Variants in GFM1 observed in about 807,000 individuals in gnomAD.
GFM1 encodes the protein G elongation factor mitochondrial 1.
A neutral mutation model predicts 96.2 loss-of-function variants in GFM1; 62 were observed. That is an observed-to-expected ratio of 0.64 (90% confidence interval 0.53 to 0.80). The LOEUF (loss-of-function observed/expected upper bound fraction) is 0.80. GFM1 is among the 30% of genes least tolerant of loss of function. The pLI is 0.00. For synonymous variants in GFM1, 282 were observed against 312.9 expected, an observed-to-expected ratio of 0.90 and a Z score of 1.04; for missense variants, 852 against 916.6, an observed-to-expected ratio of 0.93 and a Z score of 0.91.
chr3:158,661,052 TC>T, intron 10 of GFM1, 77 bp downstream of exon 10: 1 of 1,170,628 alleles, frequency 8.5e-7, no homozygotes. Context: ...ATTTAATACT[TC>T]AGAAAAACAA....
chr3:158,675,285 CAAAAAAAAAAAAA>C lies in GFM1; in HGVS notation c.1602-6697_1602-6685del, dbSNP rs1172885215. On this transcript the variant is annotated intron_variant, in intron 13 of 17. Coordinates refer to ENST00000486715, the MANE Select transcript of GFM1 (RefSeq NM_024996.7). ...TGGGTGACAGAGTGAGACTCCATCTCAAAAAAAAAAAAAAAAAAAAAAAAACAAGTTTTCAAGA... is the reference window on the plus strand; with the variant it reads ...TGGGTGACAGAGTGAGACTCCATCTCAAAAAAAAAAAACAAGTTTTCAAGA... 9.5e-5 allele frequency among the ~76,000 whole-genome samples: 5 copies of C among 52,664 alleles called. No homozygotes were observed. The Admixed American group carries it at 1.6e-3, about 17-fold the overall frequency. 34.5% of individuals were successfully genotyped at this position (52,664 alleles called of 152,430 possible).
Position 158,646,223 on chromosome 3 carries a change from G to C in GFM1, c.293G>C (p.Arg98Thr). 1 of 1,613,838 alleles carries C rather than the reference G, an allele frequency of 6.2e-7. No individual in the cohort carries two copies. Among genetic ancestry groups the C allele is most frequent in the South Asian group, 1.1e-5 (1 of 91,076 alleles). ...GATTCCATGGAACTAGAGAGACAAA[G>C]AGGAATCACTATTCAGTCAGCAGCC... is the stretch of plus-strand genomic sequence containing the variant. ...VMDSMELERQ[R>T]GITIQSAATY... The change falls in exon 3 of 18, where the codon AGA (arginine) becomes ACA (threonine). Residue 98 changes from arginine (R) to threonine (T), a missense_variant. By Grantham distance (71) the Arg-to-Thr change is moderately conservative. Coordinates refer to ENST00000486715, the MANE Select transcript of GFM1 (RefSeq NM_024996.7).
intron 13 of GFM1, among the ~76,000 whole-genome samples, chr3:158,676,680 A>G (rs953434065): frequency 6.6e-5 from 10 of 151,022 alleles, no homozygotes; most frequent in Non-Finnish European, 1.3e-4. Context: ...GAACAAGTCT[A>G]TCAGCTCCAT....
At chr3:158,658,838 G>C (rs1722968977) in intron 8 of GFM1, 84 bp from the exon 9 acceptor site, 2 of 1,431,558 alleles carry the variant, frequency 1.4e-6, no homozygotes, top group African/African-American at 1.4e-5. Context: ...AGAATACTTG[G>C]AGGGAGTTAT....
intron 5 of GFM1, chr3:158,649,371 A>G: frequency 2.3e-6 from 1 of 426,822 alleles, no homozygotes; most frequent in Non-Finnish European, 4.3e-6. Context: ...TTTGGGTAAT[A>G]TACCCATATC....
At chr3:158,679,676 C>G (rs935340061) in intron 13 of GFM1, among the ~76,000 whole-genome samples, 1 of 152,094 alleles carries the variant, frequency 6.6e-6, no homozygotes, top group African/African-American at 2.4e-5. Context: ...GTGAGCCAGC[C>G]TCTTAGGTTG....
chr3:158,673,879 C>T (rs1724621052), intron 13 of GFM1, among the ~76,000 whole-genome samples: 1 of 151,982 alleles, frequency 6.6e-6, no homozygotes, highest in South Asian at 2.1e-4. Context: ...GTAGATTCTG[C>T]AGTAAATCTG....
rs145055828 is a variant in GFM1, at chr3:158,677,304, G to A, written c.1602-4691G>A. Among the ~76,000 whole-genome samples the A allele has an allele frequency of 5.6e-3, 858 of 152,288 alleles. 15 individuals carry two copies. Among genetic ancestry groups the A allele is most frequent in the African/African-American group, 0.02 (829 of 41,560 alleles). On this transcript the variant is annotated intron_variant, in intron 13 of 17. Transcript: ENST00000486715. ...AGGCTCTAACTCTGTTCAATTTTAT[G>A]AAGGCTGAGAGAGGTGAGAAAGTTG...
At position 158,644,570 on chromosome 3, in the gene GFM1, G is replaced by T. The variant is rs1212689126; in HGVS notation, c.-65G>T. 4 of 1,357,780 alleles carry T rather than the reference G, an allele frequency of 2.9e-6. No homozygotes were observed. The highest frequency in any genetic ancestry group is 4.0e-5 in the Admixed American group (2 of 50,366). The allele number at this position is 1,357,780 out of a possible 1,614,324, so 84.1% of individuals were successfully genotyped here. A position where few individuals can be genotyped will look rare whatever the true frequency, so the allele number is the denominator to read the frequency against. On this transcript the variant is annotated 5_prime_UTR_variant, in exon 1 of 18. Transcript: ENST00000486715. ...GCCGGCGTGACTTTGACCGCTTCCC[G>T]GTGCGTTACCGGCAGCTGAACCCAC...
intron 4 of GFM1, among the ~76,000 whole-genome samples, chr3:158,647,405 C>T (rs1576723811): frequency 6.6e-6 from 1 of 152,208 alleles, no homozygotes; most frequent in Non-Finnish European, 1.5e-5. Flanking sequence ...ACAACAGTAA[C>T]ACTTCCTTTC....
At chr3:158,652,304 G>T in intron 6 of GFM1, 58 bp downstream of exon 6, 2 of 1,430,676 alleles carry the variant, frequency 1.4e-6, no homozygotes, top group Middle Eastern at 1.7e-4. Flanking sequence ...TTTGTTTTTT[G>T]TAGGGAGGGG....
chr3:158,662,152 A>G (rs553543855), intron 10 of GFM1, among the ~76,000 whole-genome samples: 57 of 152,266 alleles, frequency 3.7e-4, no homozygotes, highest in African/African-American at 1.3e-3. Context: ...TAGTGACTGC[A>G]TTCGTAAAAT....
At chr3:158,645,596 G>A (rs759989574) in intron 1 of GFM1, 33 bp from the exon 2 acceptor site, 12 of 1,569,542 alleles carry the variant, frequency 7.6e-6, no homozygotes, top group Admixed American at 1.7e-5. Context: ...CTTATAAAAG[G>A]TGCATAGAAT....
intron 9 of GFM1, 41 bp downstream of exon 9, chr3:158,659,100 G>A (rs1722993576): frequency 6.2e-7 from 1 of 1,611,684 alleles, no homozygotes; most frequent in Non-Finnish European, 8.5e-7. Context: ...TTCCTCTGAT[G>A]TGGGTGAAAT....
intron 17 of GFM1, 57 bp from the exon 18 acceptor site, chr3:158,691,279 A>G: frequency 3.7e-6 from 6 of 1,607,082 alleles, no homozygotes; most frequent in Non-Finnish European, 5.1e-6. Context: ...CTTTTACTTG[A>G]TAGTTTAAAA....
rs1726396080 is a variant in GFM1 at position 158,692,481 on chromosome 3, A to G, written c.*1014A>G. 6.6e-6 allele frequency: 1 copy of G among 152,220 alleles called. No individual in the cohort carries two copies. The highest frequency in any genetic ancestry group is 2.4e-5 in the African/African-American group (1 of 41,456). The allele number at this position is 152,220 out of a possible 1,614,324, so 9.4% of individuals were successfully genotyped here. A position where few individuals can be genotyped will look rare whatever the true frequency, so the allele number is the denominator to read the frequency against. On this transcript the variant is annotated 3_prime_UTR_variant, in exon 18 of 18. Coordinates refer to ENST00000486715, the MANE Select transcript of GFM1 (RefSeq NM_024996.7). ...CCCAAGCAGTTCTATTACCCGGTTC[A>G]GAATTGCTTCATCCAAAAATCATCT...
At chr3:158,652,564 G>A (rs1181652518) in intron 6 of GFM1, among the ~76,000 whole-genome samples, 1 of 152,086 alleles carries the variant, frequency 6.6e-6, no homozygotes, top group Non-Finnish European at 1.5e-5. Context: ...CAGCACTATT[G>A]TTGGCCTCTT....
In GFM1 at chr3:158,646,968, C is replaced by T. The variant is rs370922276; in HGVS notation, c.572+21C>T. ...ATGAGGTAATGAGCCTTAGAATAAA[C>T]AAAGAGGATGTGATGATCTAGACAG... is the stretch of plus-strand genomic sequence containing the variant. On this transcript the variant is annotated intron_variant, in intron 4 of 17. Transcript: ENST00000486715. 1.2e-4 allele frequency: 186 copies of T among 1,585,688 alleles called. 1 individual carries two copies. Among genetic ancestry groups the T allele is most frequent in the Non-Finnish European group, 1.5e-4 (176 of 1,154,244 alleles).
chr3:158,660,623 A>G (rs1723127136), intron 9 of GFM1: 2 of 484,920 alleles, frequency 4.1e-6, no homozygotes, highest in South Asian at 4.3e-5. Context: ...CAGCTCCTTC[A>G]AGTAATGAGT....
Sources: allele counts gnomAD v4.1 joint callset (sites outside exome capture counted in the v4.1 genomes callset), GRCh38; gene constraint gnomAD v4.1.1; transcripts MANE v1.5; gene names NCBI Gene and HGNC (gene_info 2026-07-23, HGNC 2026-07-21).